Variants in RNASEH2B observed in about 807,000 individuals in gnomAD.
The protein encoded by RNASEH2B is ribonuclease H2 subunit B.
RNASEH2B carries 36 observed loss-of-function variants against 45.0 expected under a neutral mutation model. The ratio of observed to expected loss-of-function variants is 0.80; its 90% confidence interval spans 0.61 to 1.06. The LOEUF (loss-of-function observed/expected upper bound fraction) is 1.06. Among genes scored for constraint, RNASEH2B ranks in the 50% least tolerant of loss-of-function variants. The pLI, the probability that RNASEH2B is intolerant of heterozygous loss-of-function variation, is 0.00. For synonymous variants in RNASEH2B, 119 were observed against 125.7 expected, an observed-to-expected ratio of 0.95 and a Z score of 0.35; for missense variants, 361 against 360.3, an observed-to-expected ratio of 1.00 and a Z score of -0.02.
chr13:50,964,380 C>T (rs1330243513), intron 9 of RNASEH2B, among the ~76,000 whole-genome samples: 1 of 152,162 alleles, frequency 6.6e-6, no homozygotes, highest in Non-Finnish European at 1.5e-5. Flanking sequence ...CTGACAAACA[C>T]TGTATAGCAT....
intron 8 of RNASEH2B, chr13:50,948,754 T>C (rs1217950798): frequency 6.6e-6 from 1 of 152,198 alleles, no homozygotes; most frequent in Admixed American, 6.5e-5. Flanking sequence ...TTTTATCCTC[T>C]GAGTCATGAA....
Position 50,910,280 on chromosome 13 carries a change from C to T in RNASEH2B, c.64+140C>T, listed in dbSNP as rs535141690. On this transcript the variant is annotated intron_variant, in intron 1 of 10. Transcript: ENST00000336617. ...TGGGATTCTCTCTGGGACAGCTGGC[C>T]CCGCATTTTGGTCACACGTCATAGC... 10 of 537,178 alleles carry T rather than the reference C, an allele frequency of 1.9e-5. No homozygotes were observed. The East Asian group carries it at 3.3e-4, about 18-fold the overall frequency. The allele number at this position is 537,178 out of a possible 1,614,324, so 33.3% of individuals were successfully genotyped here.
rs1286132779 is a variant in RNASEH2B at position 50,909,984 on chromosome 13, C to T, written c.-93C>T. ...CCGGTCCCTCAGCGCGCCGCGCCAC[C>T]CGGAACAGACCCTTCTCCCGCCATT... On this transcript the variant is annotated 5_prime_UTR_variant, in exon 1 of 11. Transcript: ENST00000336617. 2 of 1,178,192 alleles carry T rather than the reference C, an allele frequency of 1.7e-6. No homozygotes were observed. Among genetic ancestry groups the T allele is most frequent in the Admixed American group, 2.7e-5 (1 of 36,602 alleles). The allele number at this position is 1,178,192 out of a possible 1,614,324, so 73.0% of individuals were successfully genotyped here.
intron 1 of RNASEH2B, among the ~76,000 whole-genome samples, chr13:50,924,766 T>A (rs1951570852): frequency 6.6e-6 from 1 of 152,196 alleles, no homozygotes; most frequent in Non-Finnish European, 1.5e-5. Context: ...CAGGCTTGTC[T>A]TGAACTCCTG....
intron 7 of RNASEH2B, among the ~76,000 whole-genome samples, chr13:50,947,481 C>T (rs1248225313): frequency 6.6e-6 from 1 of 150,740 alleles, no homozygotes; most frequent in Non-Finnish European, 1.5e-5. Context: ...ATATATATTT[C>T]AGGGTTCTTA....
intron 7 of RNASEH2B, among the ~76,000 whole-genome samples, chr13:50,946,274 G>A (rs1458900774): frequency 1.3e-5 from 2 of 152,134 alleles, no homozygotes. Flanking sequence ...TTATTCTGAC[G>A]TTAAACTCCA....
downstream of RNASEH2B, among the ~76,000 whole-genome samples, chr13:50,957,079 A>G (rs954859289): frequency 6.6e-6 from 1 of 151,774 alleles, no homozygotes; most frequent in African/African-American, 2.4e-5. Context: ...AATTACAGTT[A>G]CTTTGTAACC....
At chr13:50,961,971 T>C (rs545544228) in intron 9 of RNASEH2B, among the ~76,000 whole-genome samples, 295 of 152,314 alleles carry the variant, frequency 1.9e-3, no homozygotes, top group Non-Finnish European at 3.2e-3. Flanking sequence ...TTCTTTTTAA[T>C]AGAGGAATGT....
intron 8 of RNASEH2B, chr13:50,948,799 T>G (rs1951939078): frequency 6.6e-6 from 1 of 152,120 alleles, no homozygotes; most frequent in African/African-American, 2.4e-5. Context: ...CAGTTGTTGG[T>G]TTTAGCAAAT....
chr13:50,943,523 G>C, intron 6 of RNASEH2B, 129 bp downstream of exon 6: 1 of 717,766 alleles, frequency 1.4e-6, no homozygotes, highest in Non-Finnish European at 2.5e-6. Context: ...AAATTGTGTA[G>C]AGATACCAAG....
intron 4 of RNASEH2B, 125 bp from the exon 5 acceptor site, chr13:50,934,760 G>C: frequency 1.4e-6 from 1 of 722,844 alleles, no homozygotes; most frequent in Non-Finnish European, 2.5e-6. Flanking sequence ...GGATTCCTTA[G>C]ATGGAATAGG....
intron 9 of RNASEH2B, 50 bp from the exon 10 acceptor site, chr13:50,953,855 T>C (rs1465191764): frequency 8.3e-7 from 1 of 1,206,710 alleles, no homozygotes; most frequent in Non-Finnish European, 1.2e-6. Flanking sequence ...AATGGATTGA[T>C]GTTGTGTCAA....
At chr13:50,938,558 G>C (rs1323078684) in intron 5 of RNASEH2B, 1 of 152,200 alleles carries the variant, frequency 6.6e-6, no homozygotes, top group Non-Finnish European at 1.5e-5. Context: ...ATGGGGCAGG[G>C]AGGGGGATGG....
chr13:50,927,426 A>C lies in RNASEH2B; in HGVS notation c.84A>C (p.Ser28=), dbSNP rs1951613661. The change falls in exon 2 of 11, where the codon TCA becomes TCC. Residue 28 remains serine (S), a synonymous_variant. Transcript: ENST00000336617. The part of the protein sequence containing the change: ...FLVSEYLKDA[S]KKMKNGLMFV... Reference sequence around the variant, plus strand: ...TTTCAGAATATTTAAAAGATGCTTCAAAGAAGATGAAAAATGGGCTAATGT... The same window carrying C: ...TTTCAGAATATTTAAAAGATGCTTCCAAGAAGATGAAAAATGGGCTAATGT... 1 of 1,596,384 alleles carries C rather than the reference A, an allele frequency of 6.3e-7. No individual in the cohort carries two copies.
downstream of RNASEH2B, among the ~76,000 whole-genome samples, chr13:50,957,250 C>T (rs1952063480): frequency 6.6e-6 from 1 of 152,142 alleles, no homozygotes; most frequent in Non-Finnish European, 1.5e-5. Context: ...TGCTCTCCCA[C>T]TCTTCCTCCC....
At position 50,949,517 on chromosome 13, in the gene RNASEH2B, T is replaced by C. The variant is rs1397421001; in HGVS notation, c.741+12T>C. ...ATCCTCCATCAAAGGTAAGAAGCTG[T>C]GACTAAGATATCTTTGGGGGACTTA... is the stretch of plus-strand genomic sequence containing the variant. On this transcript the variant is annotated intron_variant, in intron 9 of 10. Transcript: ENST00000336617. The C allele has an allele frequency of 6.2e-7, 1 of 1,611,306 alleles. No homozygotes were observed. The highest frequency in any genetic ancestry group is 8.5e-7 in the Non-Finnish European group (1 of 1,177,674).
intron 10 of RNASEH2B, 129 bp from the exon 11 acceptor site, chr13:50,956,229 T>C (rs1267905037): frequency 2.7e-6 from 2 of 735,404 alleles, no homozygotes; most frequent in South Asian, 1.7e-5. Context: ...CACTCCCTTA[T>C]GAAGCATGTT....
At chr13:50,934,722 G>A in intron 4 of RNASEH2B, 163 bp from the exon 5 acceptor site, 2 of 648,974 alleles carry the variant, frequency 3.1e-6, no homozygotes, top group Non-Finnish European at 5.6e-6. Context: ...GGGAGCTGGG[G>A]TCCGTCCTAG....
intron 7 of RNASEH2B, 43 bp downstream of exon 7, chr13:50,945,575 A>T (rs1951890873): frequency 2.2e-6 from 3 of 1,340,330 alleles, no homozygotes; most frequent in Non-Finnish European, 3.2e-6. Flanking sequence ...GTCTGGAGTA[A>T]GTTGCTTATG....
Sources: gnomAD v4.1 joint callset for allele counts (sites outside exome capture counted in the v4.1 genomes callset) on GRCh38, gnomAD v4.1.1 for gene constraint, MANE v1.5 for transcripts, NCBI Gene and HGNC (gene_info 2026-07-23, HGNC 2026-07-21) for gene names.